Variants in PCDH9 observed in about 807,000 individuals in gnomAD.
PCDH9 encodes protocadherin-9.
Under a neutral mutation model 70.6 loss-of-function variants are expected in PCDH9, and 24 were observed. That is an observed-to-expected ratio of 0.34 (90% confidence interval 0.25 to 0.48). PCDH9 has a LOEUF of 0.48. PCDH9 is among the 20% of genes least tolerant of loss of function. The pLI, the probability that PCDH9 is intolerant of heterozygous loss-of-function variation, is 0.99. For synonymous variants in PCDH9, 562 were observed against 558.5 expected, an observed-to-expected ratio of 1.01 and a Z score of -0.09; for missense variants, 1,281 against 1,503.6, an observed-to-expected ratio of 0.85 and a Z score of 2.45.
At chr13:66,854,592 A>G (rs761225041) in intron 3 of PCDH9, among the ~76,000 whole-genome samples, 7 of 152,026 alleles carry the variant, frequency 4.6e-5, no homozygotes, top group Non-Finnish European at 1.0e-4. Context: ...TATTGTAACC[A>G]AGTGTCTTTT....
At chr13:66,879,711 G>A (rs1424159691) in intron 3 of PCDH9, among the ~76,000 whole-genome samples, 1 of 151,886 alleles carries the variant, frequency 6.6e-6, no homozygotes. Flanking sequence ...TACTTATTTT[G>A]TCCAGATGTA....
At chr13:66,891,172 CA>C (rs1325605564) in intron 3 of PCDH9, among the ~76,000 whole-genome samples, 2 of 152,028 alleles carry the variant, frequency 1.3e-5, no homozygotes, top group Non-Finnish European at 2.9e-5. Context: ...TATTATATTG[CA>C]AACTACCACC....
At chr13:67,096,022 A>G (rs2086312211) in intron 2 of PCDH9, among the ~76,000 whole-genome samples, 1 of 152,236 alleles carries the variant, frequency 6.6e-6, no homozygotes, top group East Asian at 1.9e-4. Context: ...AGACAAGCAC[A>G]TATATAAGAG....
intron 2 of PCDH9, among the ~76,000 whole-genome samples, chr13:67,179,195 G>T (rs1314428562): frequency 2.0e-5 from 3 of 152,038 alleles, no homozygotes; most frequent in Non-Finnish European, 2.9e-5. Flanking sequence ...CTGTTTTACA[G>T]AGGTGGAAAC....
intron 3 of PCDH9, among the ~76,000 whole-genome samples, chr13:66,678,745 T>C (rs1289233357): frequency 2.0e-5 from 3 of 151,580 alleles, no homozygotes; most frequent in Admixed American, 6.6e-5. Context: ...GTGTAAGAAA[T>C]TGTAGAAAAA....
At chr13:66,483,963 G>A (rs1369487117) in intron 4 of PCDH9, among the ~76,000 whole-genome samples, 1 of 152,074 alleles carries the variant, frequency 6.6e-6, no homozygotes, top group East Asian at 1.9e-4. Context: ...ACCCCCACAT[G>A]CCTGCAGGCC....
At position 66,810,299 on chromosome 13, in the gene PCDH9, T is replaced by C. The variant is rs562547639; in HGVS notation, c.3138+93205A>G. On this transcript the variant is annotated intron_variant, in intron 3 of 4. Transcript: ENST00000377865. ...TTTTTAATTTAAAGTGGCTTCTACA[T>C]GATATTTTTAATAATTGGCTAATCA... Among the ~76,000 whole-genome samples, 3 of 152,174 alleles carry C rather than the reference T, an allele frequency of 2.0e-5. No individual in the cohort carries two copies. The South Asian group carries it at 6.2e-4, about 32-fold the overall frequency.
Position 67,227,893 on chromosome 13 carries a change from T to C in PCDH9, c.548A>G (p.Asn183Ser). 1 of 1,614,120 alleles carries C rather than the reference T, an allele frequency of 6.2e-7. No individual in the cohort carries two copies. Among genetic ancestry groups the C allele is most frequent in the Non-Finnish European group, 8.5e-7 (1 of 1,179,948 alleles). ...ATCCAGTCCAAAAACACTCTGCCCA[T>C]TTAACAATTCATAATGCTGTACACC... ...FNGVQHYELL[N>S]GQSVFGLDIV... Residue 183 changes from asparagine (N) to serine (S), a missense_variant, in exon 2 of 5, where the codon AAT becomes AGT. Transcript: ENST00000377865. The surrounding 1 kb of genome is among the most constrained non-coding windows in gnomAD (Gnocchi z 4.6).
chr13:66,449,899 C>T (rs991486153), intron 4 of PCDH9, among the ~76,000 whole-genome samples: 2 of 151,994 alleles, frequency 1.3e-5, no homozygotes, highest in South Asian at 2.1e-4. Flanking sequence ...ATGTGAGAGA[C>T]CTTTTAATGC....
At chr13:67,018,155 T>C (rs1280897879) in intron 2 of PCDH9, among the ~76,000 whole-genome samples, 1 of 152,216 alleles carries the variant, frequency 6.6e-6, no homozygotes, top group East Asian at 1.9e-4. Context: ...ATTCAGCAAA[T>C]ACTAATTGCT....
At chr13:66,872,597 C>G (rs1030148634) in intron 3 of PCDH9, among the ~76,000 whole-genome samples, 1 of 151,958 alleles carries the variant, frequency 6.6e-6, no homozygotes, top group Non-Finnish European at 1.5e-5. Flanking sequence ...TAAATTGTGT[C>G]CTGTATTTAT....
intron 4 of PCDH9, among the ~76,000 whole-genome samples, chr13:66,398,578 T>C (rs1957141178): frequency 2.0e-5 from 3 of 152,166 alleles, no homozygotes; most frequent in Admixed American, 2.0e-4. Flanking sequence ...AGATAACATT[T>C]AAATGAATTA....
chr13:66,522,123 C>T (rs1279979478), intron 4 of PCDH9, among the ~76,000 whole-genome samples: 1 of 150,116 alleles, frequency 6.7e-6, no homozygotes, highest in East Asian at 1.9e-4. Flanking sequence ...TTTGGCTATA[C>T]TTTAAAAATT....
intron 4 of PCDH9, among the ~76,000 whole-genome samples, chr13:66,481,494 C>T (rs1465505201): frequency 1.1e-4 from 17 of 152,084 alleles, no homozygotes; most frequent in Non-Finnish European, 2.5e-4. Flanking sequence ...CATTTTGGGA[C>T]ATAATGTTAT....
chr13:66,326,921 T>C (rs1196727078), intron 4 of PCDH9, among the ~76,000 whole-genome samples: 1 of 151,186 alleles, frequency 6.6e-6, no homozygotes, highest in East Asian at 1.9e-4. Context: ...GACCTGCTGC[T>C]TATCATTCAG....
chr13:66,835,087 G>A (rs1350799607), intron 3 of PCDH9, among the ~76,000 whole-genome samples: 1 of 152,198 alleles, frequency 6.6e-6, no homozygotes, highest in Non-Finnish European at 1.5e-5. Context: ...CAAGGACAAG[G>A]CCTGGTATGT....
chr13:67,187,138 G>C (rs148264983), intron 2 of PCDH9, among the ~76,000 whole-genome samples: 6 of 152,208 alleles, frequency 3.9e-5, no homozygotes, highest in Non-Finnish European at 7.4e-5. Context: ...TGAACATGAT[G>C]GTCATGCTGT....
intron 3 of PCDH9, among the ~76,000 whole-genome samples, chr13:66,650,752 A>C (rs1227233992): frequency 6.6e-6 from 1 of 151,936 alleles, no homozygotes; most frequent in Non-Finnish European, 1.5e-5. Context: ...TCAGTACATG[A>C]ATCATTCTCA....
At chr13:66,954,819 A>G (rs1487186346) in intron 2 of PCDH9, among the ~76,000 whole-genome samples, 2 of 152,210 alleles carry the variant, frequency 1.3e-5, no homozygotes, top group African/African-American at 2.4e-5. Context: ...GCTGCAGTGC[A>G]GTGGCGTGAT....
Sources: gnomAD v4.1 joint callset for allele counts (sites outside exome capture counted in the v4.1 genomes callset) on GRCh38, gnomAD v4.1.1 for gene constraint, Gnocchi (gnomAD v3.1) non-coding constraint, MANE v1.5 for transcripts, NCBI Gene and HGNC (gene_info 2026-07-23, HGNC 2026-07-21) for gene names.